MBNL2: variants seen among roughly 807,000 people sequenced by gnomAD.
The protein encoded by MBNL2 is muscleblind like splicing regulator 2, also known as muscleblind-like protein 2.
Under a neutral mutation model 41.9 loss-of-function variants are expected in MBNL2, and 17 were observed. The observed-to-expected ratio is 0.41, with a 90% CI of 0.28 to 0.61. The LOEUF is 0.61. Ranked by LOEUF, MBNL2 falls within the 20% of genes least tolerant of loss-of-function variation. The pLI is 0.35. For synonymous variants in MBNL2, 195 were observed against 182.9 expected (o/e 1.07, Z -0.53); for missense variants, 336 against 505.6 (o/e 0.66, Z 3.22).
At chr13:97,290,064 A>G (rs1260348212) in intron 2 of MBNL2, among the ~76,000 whole-genome samples, 1 of 152,164 alleles carries the variant, frequency 6.6e-6, no homozygotes, top group Non-Finnish European at 1.5e-5. Flanking sequence ...TTCTCCTATA[A>G]AAGTCTCCCC....
chr13:97,145,310 AC>A, the MBNL2 span, among the ~76,000 whole-genome samples: 1 of 152,214 alleles, frequency 6.6e-6, no homozygotes, highest in Non-Finnish European at 1.5e-5. Context: ...TAGAAGCTAA[AC>A]AAAGGCTAAA....
At chr13:97,192,982 C>T in the MBNL2 span, among the ~76,000 whole-genome samples, 2 of 152,220 alleles carry the variant, frequency 1.3e-5, no homozygotes, top group African/African-American at 4.8e-5. Context: ...GACCCGGCAG[C>T]TATTTTGATG....
chr13:97,189,054 T>C, the MBNL2 span, among the ~76,000 whole-genome samples: 2 of 152,104 alleles, frequency 1.3e-5, no homozygotes, highest in African/African-American at 2.4e-5. Context: ...TGCTCCACCT[T>C]CTACTTCTGT....
At chr13:97,364,879 T>G (rs2063726990) in intron 7 of MBNL2, among the ~76,000 whole-genome samples, 1 of 152,214 alleles carries the variant, frequency 6.6e-6, no homozygotes, top group Non-Finnish European at 1.5e-5. Flanking sequence ...ATGTCATTCT[T>G]ATTAGAATCA....
At chr13:97,353,264 C>T (rs2153099907) in intron 5 of MBNL2, among the ~76,000 whole-genome samples, 1 of 152,264 alleles carries the variant, frequency 6.6e-6, no homozygotes, top group South Asian at 2.1e-4. Context: ...CTGACAATGA[C>T]ATGAAAATTA....
rs2066456324 is a variant in MBNL2, at chr13:97,393,879, T to C, written c.*2430T>C. The C allele has an allele frequency of 6.6e-6, 1 of 152,546 alleles. No individual in the cohort carries two copies. Among genetic ancestry groups the C allele is most frequent in the Non-Finnish European group, 1.5e-5 (1 of 67,978 alleles). 9.4% of individuals were successfully genotyped at this position (152,546 alleles called of 1,614,324 possible). A position where few individuals can be genotyped will look rare whatever the true frequency, so the allele number is the denominator to read the frequency against. On this transcript the variant is annotated 3_prime_UTR_variant, in exon 9 of 9. Coordinates refer to ENST00000679496, the MANE Select transcript of MBNL2 (RefSeq NM_001382683.1). Reference sequence around the variant, plus strand: ...AGTTAAGAGACTAACTCTCCACTTGTATGGGAACTACATTTCACTCTTGGT... The same window carrying C: ...AGTTAAGAGACTAACTCTCCACTTGCATGGGAACTACATTTCACTCTTGGT...
chr13:97,330,074 C>T (rs1210435705), intron 2 of MBNL2, among the ~76,000 whole-genome samples: 1 of 152,216 alleles, frequency 6.6e-6, no homozygotes, highest in Admixed American at 6.5e-5. Context: ...AAGGGAGACA[C>T]CATGTCTTGA....
intron 2 of MBNL2, among the ~76,000 whole-genome samples, chr13:97,283,615 A>T (rs2053852352): frequency 6.6e-6 from 1 of 152,164 alleles, no homozygotes; most frequent in Non-Finnish European, 1.5e-5. Flanking sequence ...TATTTCAAAC[A>T]ATCTGCAGGG....
the MBNL2 span, among the ~76,000 whole-genome samples, chr13:97,180,615 G>A: frequency 5.3e-5 from 8 of 151,742 alleles, no homozygotes; most frequent in African/African-American, 1.7e-4. Context: ...GGTGGTGCAC[G>A]CCTGTAGTCC....
chr13:97,331,503 G>A (rs546086078), intron 2 of MBNL2, among the ~76,000 whole-genome samples: 19 of 152,128 alleles, frequency 1.2e-4, no homozygotes, highest in Admixed American at 5.2e-4. Context: ...ATTATTATAC[G>A]AAAGATCATC....
the MBNL2 span, among the ~76,000 whole-genome samples, chr13:97,160,465 A>G: frequency 5.9e-5 from 9 of 152,168 alleles, no homozygotes; most frequent in Non-Finnish European, 1.3e-4. Flanking sequence ...CTTTTGTTGA[A>G]CTGCATTTAG....
intron 7 of MBNL2, among the ~76,000 whole-genome samples, chr13:97,361,758 ATTTTTTTT>A (rs71117641): frequency 4.1e-4 from 23 of 56,370 alleles, no homozygotes; most frequent in African/African-American, 8.3e-4. Flanking sequence ...TATAGGCGTA[ATTTTTTTT>A]TTTTTTTTTT....
chr13:97,390,502 G>A (rs2066312582), intron 8 of MBNL2, among the ~76,000 whole-genome samples: 1 of 152,138 alleles, frequency 6.6e-6, no homozygotes, highest in South Asian at 2.1e-4. Context: ...CATTAGAAAA[G>A]ATTAAATAGT....
chr13:97,234,570 ATGC>A (rs1204247731), intron 1 of MBNL2, among the ~76,000 whole-genome samples: 1 of 152,124 alleles, frequency 6.6e-6, no homozygotes, highest in Non-Finnish European at 1.5e-5. Context: ...GCATGATGGG[ATGC>A]TTTAAAATTG....
At chr13:97,145,320 A>T in the MBNL2 span, among the ~76,000 whole-genome samples, 1 of 152,226 alleles carries the variant, frequency 6.6e-6, no homozygotes, top group Non-Finnish European at 1.5e-5. Flanking sequence ...ACAAAGGCTA[A>T]AAAAAGCAAC....
the MBNL2 span, among the ~76,000 whole-genome samples, chr13:97,171,209 C>T: frequency 6.6e-6 from 1 of 152,108 alleles, no homozygotes; most frequent in African/African-American, 2.4e-5. Flanking sequence ...TCCTATAAGC[C>T]AGAAATTATT....
intron 2 of MBNL2, among the ~76,000 whole-genome samples, chr13:97,310,988 G>A (rs745899407): frequency 1.8e-4 from 28 of 152,110 alleles, no homozygotes; most frequent in Non-Finnish European, 3.4e-4. Context: ...AGAGAAACAT[G>A]TAGATATGCT....
chr13:97,174,720 T>C, the MBNL2 span, among the ~76,000 whole-genome samples: 11 of 152,164 alleles, frequency 7.2e-5, no homozygotes, highest in Non-Finnish European at 1.2e-4. Context: ...CACACTTCAA[T>C]GCCAATTAAT....
At chr13:97,285,449 C>T (rs1594150171) in intron 2 of MBNL2, among the ~76,000 whole-genome samples, 1 of 152,240 alleles carries the variant, frequency 6.6e-6, no homozygotes, top group African/African-American at 2.4e-5. Flanking sequence ...CCTTTAACGA[C>T]AGCAGCTGCC....
Sources: allele counts gnomAD v4.1 joint callset (sites outside exome capture counted in the v4.1 genomes callset), GRCh38; gene constraint gnomAD v4.1.1; transcripts MANE v1.5; gene names NCBI Gene and HGNC (gene_info 2026-07-23, HGNC 2026-07-21).